Variants in TRPM3 observed in about 807,000 individuals in gnomAD.
The protein encoded by TRPM3 is long transient receptor potential channel 3.
Under a neutral mutation model 181.2 loss-of-function variants are expected in TRPM3, and 77 were observed. The observed-to-expected ratio is 0.42, with a 90% confidence interval of 0.35 to 0.51. The LOEUF (loss-of-function observed/expected upper bound fraction) is 0.51. TRPM3 is among the 20% of genes least tolerant of loss of function. The probability of loss-of-function intolerance (pLI) is 0.01; values close to 1 mark genes in which losing one functional copy is unlikely to be tolerated. For missense variants in TRPM3, 1,759 were observed against 2,196.7 expected, an observed-to-expected ratio of 0.80 and a Z score of 3.98; for synonymous variants, 745 against 796.4, an observed-to-expected ratio of 0.94 and a Z score of 1.09.
At chr9:70,942,621 C>T (rs745515731) in intron 1 of TRPM3, among the ~76,000 whole-genome samples, 1 of 152,176 alleles carries the variant, frequency 6.6e-6, no homozygotes, top group African/African-American at 2.4e-5. Flanking sequence ...GTAGCATATG[C>T]TTTCCGTGCC....
chr9:71,166,210 G>T (rs574940100), intron 1 of TRPM3, among the ~76,000 whole-genome samples: 2 of 152,248 alleles, frequency 1.3e-5, no homozygotes, highest in East Asian at 1.9e-4. Context: ...CTCTGCAGGA[G>T]TCGGCAGCCA....
intron 1 of TRPM3, among the ~76,000 whole-genome samples, chr9:71,249,415 T>C (rs891347644): frequency 2.0e-5 from 3 of 152,214 alleles, no homozygotes; most frequent in Non-Finnish European, 4.4e-5. Flanking sequence ...GATGTATAAA[T>C]AGTCTATTTT....
chr9:71,067,453 A>C (rs1383459533), intron 1 of TRPM3, among the ~76,000 whole-genome samples: 2 of 152,210 alleles, frequency 1.3e-5, no homozygotes, highest in Non-Finnish European at 2.9e-5. Context: ...GACTCCATAG[A>C]AAGAAACAGC....
At chr9:70,919,952 A>G (rs569610500) in intron 1 of TRPM3, among the ~76,000 whole-genome samples, 40 of 152,286 alleles carry the variant, frequency 2.6e-4, no homozygotes, top group African/African-American at 8.2e-4. Context: ...ATATTCCCAT[A>G]TAAGTGTGGT....
rs1047374962 is a variant in TRPM3 at position 71,434,754 on chromosome 9, T to C, written c.183+11899A>G. On this transcript the variant is annotated intron_variant, in intron 1 of 24. Transcript: ENST00000357533. ...AGACCCAACTTCTCACCTTATTTGA[T>C]GTTAACATTTTGAAGACTGTGTTAA... 2.0e-5 allele frequency among the ~76,000 whole-genome samples: 3 copies of C among 152,220 alleles called. No individual in the cohort carries two copies. The East Asian group carries it at 5.8e-4, about 29-fold the overall frequency.
chr9:70,858,426 C>A (rs1589296177), intron 3 of TRPM3, among the ~76,000 whole-genome samples: 3 of 152,180 alleles, frequency 2.0e-5, no homozygotes, highest in Middle Eastern at 3.4e-3. Flanking sequence ...TGGCACAAAA[C>A]AATTATCCTG....
chr9:71,153,256 A>G (rs1332933013), intron 1 of TRPM3, among the ~76,000 whole-genome samples: 1 of 151,596 alleles, frequency 6.6e-6, no homozygotes, highest in African/African-American at 2.4e-5. Context: ...TGTTGTCAAC[A>G]TGTACATTTC....
At chr9:71,328,682 G>T (rs903586351) in intron 1 of TRPM3, among the ~76,000 whole-genome samples, 9 of 152,152 alleles carry the variant, frequency 5.9e-5, no homozygotes. Flanking sequence ...CATCCTTTCT[G>T]ATGGGCATAG....
intron 1 of TRPM3, among the ~76,000 whole-genome samples, chr9:70,943,609 T>C (rs551928291): frequency 3.9e-5 from 6 of 152,328 alleles, no homozygotes; most frequent in Admixed American, 1.3e-4. Flanking sequence ...AGGTCACAGT[T>C]ATTAAGCCAT....
intron 1 of TRPM3, among the ~76,000 whole-genome samples, chr9:71,150,086 G>A (rs2075649433): frequency 6.6e-6 from 1 of 151,662 alleles, no homozygotes; most frequent in African/African-American, 2.4e-5. Flanking sequence ...AGAAATAACT[G>A]AAAAAGTTAA....
chr9:70,629,326 T>TTTTG (rs1260882130), intron 12 of TRPM3, among the ~76,000 whole-genome samples: 1 of 150,056 alleles, frequency 6.7e-6, no homozygotes, highest in Non-Finnish European at 1.5e-5. Flanking sequence ...CTCTTCCGTT[T>TTTTG]TTTGTTTTGT....
intron 1 of TRPM3, among the ~76,000 whole-genome samples, chr9:71,101,722 T>C (rs1361672453): frequency 6.6e-6 from 1 of 152,214 alleles, no homozygotes; most frequent in Non-Finnish European, 1.5e-5. Context: ...GTAGGCCTTC[T>C]GACCCAGTTT....
chr9:71,273,647 C>T (rs1342137279), intron 1 of TRPM3, among the ~76,000 whole-genome samples: 1 of 152,140 alleles, frequency 6.6e-6, no homozygotes, highest in Non-Finnish European at 1.5e-5. Context: ...TACTATTAAT[C>T]CACTCCCCAA....
At chr9:70,788,526 C>T (rs1198130774) in intron 6 of TRPM3, among the ~76,000 whole-genome samples, 1 of 152,044 alleles carries the variant, frequency 6.6e-6, no homozygotes, top group Admixed American at 6.6e-5. Flanking sequence ...TGGTCTCCAA[C>T]CTTTTTGACA....
chr9:71,124,515 A>G (rs1340756374), upstream of TRPM3, among the ~76,000 whole-genome samples: 1 of 152,202 alleles, frequency 6.6e-6, no homozygotes, highest in Non-Finnish European at 1.5e-5. Flanking sequence ...TGTATTCCAA[A>G]GCCTGCCTTT....
chr9:71,373,993 T>C (rs920503372), intron 1 of TRPM3, among the ~76,000 whole-genome samples: 2 of 152,192 alleles, frequency 1.3e-5, no homozygotes, highest in Non-Finnish European at 2.9e-5. Context: ...ACGTGATTCA[T>C]CACATAAACA....
At chr9:71,103,281 G>C (rs2068746573) in intron 1 of TRPM3, among the ~76,000 whole-genome samples, 1 of 151,966 alleles carries the variant, frequency 6.6e-6, no homozygotes, top group African/African-American at 2.4e-5. Context: ...ATTGATAAAA[G>C]GAAAGAAAGT....
chr9:71,351,628 T>A (rs966521254), intron 1 of TRPM3, among the ~76,000 whole-genome samples: 3 of 152,180 alleles, frequency 2.0e-5, no homozygotes, highest in Non-Finnish European at 2.9e-5. Flanking sequence ...CATAGGTATA[T>A]CTTCAAAATA....
intron 1 of TRPM3, among the ~76,000 whole-genome samples, chr9:70,904,483 G>A (rs80279435): frequency 0.08 from 12,149 of 152,156 alleles, 651 homozygotes; most frequent in African/African-American, 0.16. Flanking sequence ...AACAGCTTGG[G>A]GAAGAGTGCA....
Sources: allele counts gnomAD v4.1 joint callset (sites outside exome capture counted in the v4.1 genomes callset), GRCh38; gene constraint gnomAD v4.1.1; transcripts MANE v1.5; gene names NCBI Gene and HGNC (gene_info 2026-07-23, HGNC 2026-07-21).